TRMT11: variants seen among roughly 807,000 people sequenced by gnomAD.
TRMT11 encodes the protein tRNA (guanine(10)-N(2))-methyltransferase TRMT11.
In TRMT11, 53 loss-of-function variants were observed where a neutral mutation model predicts 62.8. That is an observed-to-expected ratio of 0.84 (90% CI 0.68 to 1.06). The LOEUF is 1.06. TRMT11 is among the 50% of genes least tolerant of loss of function. The pLI is 0.00. For missense variants in TRMT11, 556 were observed against 553.4 expected, an observed-to-expected ratio of 1.00 and a Z score of -0.05; for synonymous variants, 188 against 190.3, an observed-to-expected ratio of 0.99 and a Z score of 0.10.
Position 126,022,563 on chromosome 6 carries a change from A to G in TRMT11, c.1260+1283A>G, listed in dbSNP as rs540311105. Among the ~76,000 whole-genome samples, 17 of 152,282 alleles carry G rather than the reference A, an allele frequency of 1.1e-4. No individual in the cohort carries two copies. In the South Asian group the frequency reaches 3.3e-3, roughly 30 times the overall value. ...CTGGTTTATGTTCACAGTCTCCTAA[A>G]TGATCTCCTTCATACCGCTAGTTTA... On this transcript the variant is annotated intron_variant, in intron 12 of 12. Coordinates refer to ENST00000334379, the MANE Select transcript of TRMT11 (RefSeq NM_001031712.3).
intron 17 of TRMT11, among the ~76,000 whole-genome samples, chr6:126,060,430 G>C (rs1035513290): frequency 6.6e-6 from 1 of 152,090 alleles, no homozygotes; most frequent in African/African-American, 2.4e-5. Context: ...AGAAGTGAAA[G>C]GCCAGAGGGG....
chr6:126,054,709 A>C (rs1320961343), intron 17 of TRMT11, among the ~76,000 whole-genome samples: 3 of 152,234 alleles, frequency 2.0e-5, no homozygotes, highest in Non-Finnish European at 4.4e-5. Flanking sequence ...TCATGATTTT[A>C]AAATCTGGTG....
chr6:126,229,319 A>C, the TRMT11 span, among the ~76,000 whole-genome samples: 1 of 152,220 alleles, frequency 6.6e-6, no homozygotes, highest in South Asian at 2.1e-4. Flanking sequence ...AACATTTCCA[A>C]ATTTCTTCAA....
At chr6:126,177,364 T>C (rs983963529) in intron 1 of TRMT11, 5 of 152,154 alleles carry the variant, frequency 3.3e-5, no homozygotes, top group Non-Finnish European at 5.9e-5. Flanking sequence ...CAAAAAGGAT[T>C]ATAAGATTTA....
At chr6:126,074,453 G>C (rs1378386620) in intron 17 of TRMT11, among the ~76,000 whole-genome samples, 1 of 152,000 alleles carries the variant, frequency 6.6e-6, no homozygotes, top group Non-Finnish European at 1.5e-5. Context: ...GGGTAGGTGT[G>C]GAAATATCTA....
At chr6:126,033,297 C>T (rs993301831) in intron 12 of TRMT11, among the ~76,000 whole-genome samples, 1 of 152,050 alleles carries the variant, frequency 6.6e-6, no homozygotes, top group Non-Finnish European at 1.5e-5. Flanking sequence ...GTGTTTAAAG[C>T]AGCAGTTTCA....
chr6:125,988,731 T>C (rs149748416), intron 1 of TRMT11, among the ~76,000 whole-genome samples: 1,644 of 152,256 alleles, frequency 0.011, 15 homozygotes, highest in Admixed American at 0.016. Flanking sequence ...AGCATAGGTA[T>C]TAGAGCAATG....
chr6:126,262,970 G>T, the TRMT11 span, among the ~76,000 whole-genome samples: 2 of 151,662 alleles, frequency 1.3e-5, no homozygotes, highest in Admixed American at 1.3e-4. Flanking sequence ...TTGGTGGGAG[G>T]TGTCAGGTAA....
chr6:125,993,385 A>AT (rs1270191381), intron 1 of TRMT11, among the ~76,000 whole-genome samples: 2 of 152,070 alleles, frequency 1.3e-5, no homozygotes, highest in African/African-American at 2.4e-5. Flanking sequence ...CTGGCTGATT[A>AT]TTTTTTTCTT....
intron 17 of TRMT11, among the ~76,000 whole-genome samples, chr6:126,087,605 T>C (rs573912040): frequency 6.6e-6 from 1 of 152,366 alleles, no homozygotes; most frequent in South Asian, 2.1e-4. Flanking sequence ...GAAGAGGCTG[T>C]CATTTTATCA....
At chr6:126,068,549 T>C (rs1776755384) in intron 17 of TRMT11, among the ~76,000 whole-genome samples, 1 of 152,240 alleles carries the variant, frequency 6.6e-6, no homozygotes, top group South Asian at 2.1e-4. Flanking sequence ...TATCAGTTTA[T>C]GCATGGGTCT....
At chr6:126,087,743 C>A (rs1169189904) in intron 17 of TRMT11, among the ~76,000 whole-genome samples, 1 of 152,192 alleles carries the variant, frequency 6.6e-6, no homozygotes, top group Non-Finnish European at 1.5e-5. Flanking sequence ...GTTAGAAAAA[C>A]AACTTGAAAA....
the TRMT11 span, among the ~76,000 whole-genome samples, chr6:126,211,195 G>A: frequency 1.3e-5 from 2 of 152,150 alleles, no homozygotes. Flanking sequence ...TTAGCATCAT[G>A]AGGGCCTTGG....
At chr6:126,194,476 C>T (rs11967300) in intron 1 of TRMT11, among the ~76,000 whole-genome samples, 2,935 of 152,176 alleles carry the variant, frequency 0.019, 97 homozygotes, top group African/African-American at 0.066. Flanking sequence ...ATTAATTTCG[C>T]GCCCTAATGT....
chr6:126,217,666 C>T, the TRMT11 span, among the ~76,000 whole-genome samples: 1 of 152,166 alleles, frequency 6.6e-6, no homozygotes, highest in Non-Finnish European at 1.5e-5. Flanking sequence ...GTAGCTACCA[C>T]CACTGAGACT....
intron 1 of TRMT11, among the ~76,000 whole-genome samples, chr6:126,182,251 G>C (rs1433984658): frequency 6.6e-6 from 1 of 152,108 alleles, no homozygotes; most frequent in Non-Finnish European, 1.5e-5. Context: ...GGAAGGAAGA[G>C]GTGCTCTTTA....
At chr6:126,060,988 T>C (rs1472938196) in intron 17 of TRMT11, among the ~76,000 whole-genome samples, 1 of 152,232 alleles carries the variant, frequency 6.6e-6, no homozygotes, top group Non-Finnish European at 1.5e-5. Context: ...ATCAAATCTT[T>C]CTAAGAGTTG....
chr6:126,165,277 CAAA>C (rs764649605), intron 21 of TRMT11, among the ~76,000 whole-genome samples: 2 of 134,720 alleles, frequency 1.5e-5, no homozygotes, highest in African/African-American at 2.8e-5. Flanking sequence ...GACCGTGCCT[CAAA>C]AAAAAAAAAA....
At chr6:126,025,488 T>C (rs144889031) in intron 12 of TRMT11, among the ~76,000 whole-genome samples, 35 of 152,342 alleles carry the variant, frequency 2.3e-4, no homozygotes, top group East Asian at 2.1e-3. Context: ...GTCTTCCCTA[T>C]ATAAGATCAA....
Sources: gnomAD v4.1 joint callset for allele counts (sites outside exome capture counted in the v4.1 genomes callset) on GRCh38, gnomAD v4.1.1 for gene constraint, MANE v1.5 for transcripts, NCBI Gene and HGNC (gene_info 2026-07-23, HGNC 2026-07-21) for gene names.